The following HDAC9 variants were observed in gnomAD, a reference collection of about 807,000 sequenced individuals.
HDAC9 encodes the protein MEF-2 interacting transcription repressor (MITR) protein.
HDAC9 carries 41 observed loss-of-function variants against 139.4 expected under a neutral mutation model. The observed-to-expected ratio is 0.29, with a 90% CI of 0.23 to 0.38. The LOEUF (loss-of-function observed/expected upper bound fraction) is 0.38, where lower values mean the gene tolerates loss of function less well. Among genes scored for constraint, HDAC9 ranks in the 10% least tolerant of loss-of-function variants. The pLI is 1.00. For synonymous variants in HDAC9, 517 were observed against 476.2 expected (o/e 1.09, Z -1.12); for missense variants, 1,147 against 1,297.0 (o/e 0.88, Z 1.78).
At chr7:18,945,407 A>T (rs1037440630) in intron 23 of HDAC9, among the ~76,000 whole-genome samples, 1 of 152,180 alleles carries the variant, frequency 6.6e-6, no homozygotes, top group African/African-American at 2.4e-5. Flanking sequence ...TATAGGTTCT[A>T]GTGTTAGTTT....
intron 22 of HDAC9, among the ~76,000 whole-genome samples, chr7:18,880,090 A>T (rs756546153): frequency 7.2e-5 from 11 of 152,210 alleles, no homozygotes; most frequent in Non-Finnish European, 1.3e-4. Context: ...GAGAAATGCG[A>T]TCAAAGCCAC....
intron 1 of HDAC9, among the ~76,000 whole-genome samples, chr7:18,320,769 C>G (rs930498089): frequency 2.6e-5 from 4 of 152,144 alleles, no homozygotes; most frequent in African/African-American, 9.7e-5. Flanking sequence ...ACCCCCCACC[C>G]CAGTTGTCAC....
At chr7:18,518,662 C>T (rs1345545199) in intron 2 of HDAC9, among the ~76,000 whole-genome samples, 1 of 152,106 alleles carries the variant, frequency 6.6e-6, no homozygotes, top group Non-Finnish European at 1.5e-5. Context: ...AAAGCTTGTC[C>T]CACCTCCATT....
chr7:18,479,863 G>A (rs981916384), intron 1 of HDAC9, among the ~76,000 whole-genome samples: 2 of 151,800 alleles, frequency 1.3e-5, no homozygotes, highest in African/African-American at 4.8e-5. Flanking sequence ...ATATTGAAGT[G>A]TGAGAGTAGG....
At chr7:18,632,196 G>A (rs1233197463) in intron 7 of HDAC9, among the ~76,000 whole-genome samples, 1 of 151,642 alleles carries the variant, frequency 6.6e-6, no homozygotes, top group Non-Finnish European at 1.5e-5. Flanking sequence ...TAAAACCAGA[G>A]GTGATGATTA....
At chr7:18,207,705 GATTT>G (rs1032063014) in intron 2 of HDAC9, among the ~76,000 whole-genome samples, 4 of 151,588 alleles carry the variant, frequency 2.6e-5, no homozygotes, top group Admixed American at 2.6e-4. Context: ...TTTATTATTA[GATTT>G]ATTTATTTAT....
chr7:18,203,240 A>G (rs909471028), intron 2 of HDAC9, among the ~76,000 whole-genome samples: 8 of 152,194 alleles, frequency 5.3e-5, no homozygotes, highest in African/African-American at 1.9e-4. Flanking sequence ...TAATATTAAT[A>G]AATAACCTGA....
At chr7:18,864,886 A>G (rs1798376396) in intron 21 of HDAC9, among the ~76,000 whole-genome samples, 1 of 152,162 alleles carries the variant, frequency 6.6e-6, no homozygotes, top group Non-Finnish European at 1.5e-5. Flanking sequence ...TAAATGGTTA[A>G]ATACTTAAAA....
chr7:18,419,728 T>A (rs1789442485), intron 1 of HDAC9, among the ~76,000 whole-genome samples: 1 of 149,686 alleles, frequency 6.7e-6, no homozygotes, highest in South Asian at 2.1e-4. Flanking sequence ...GTGTGACCCA[T>A]TTTTTTTTTA....
intron 12 of HDAC9, among the ~76,000 whole-genome samples, chr7:18,710,417 C>T (rs1784257918): frequency 6.6e-6 from 1 of 152,154 alleles, no homozygotes; most frequent in South Asian, 2.1e-4. Context: ...AATTTTACTT[C>T]AGAATGATTA....
At chr7:18,928,729 C>G (rs910256467) in intron 22 of HDAC9, among the ~76,000 whole-genome samples, 2 of 151,882 alleles carry the variant, frequency 1.3e-5, no homozygotes, top group South Asian at 2.1e-4. Context: ...GAAAATACAA[C>G]AAGAAGCATG....
intron 23 of HDAC9, among the ~76,000 whole-genome samples, chr7:18,950,075 A>G (rs1039718064): frequency 6.6e-6 from 1 of 152,078 alleles, no homozygotes; most frequent in Admixed American, 6.6e-5. Flanking sequence ...TTAGAGGTCT[A>G]GGTATTGAGA....
intron 3 of HDAC9, among the ~76,000 whole-genome samples, chr7:18,589,635 T>A (rs1452197553): frequency 1.3e-5 from 2 of 152,218 alleles, no homozygotes; most frequent in Non-Finnish European, 2.9e-5. Flanking sequence ...TAAACAATAG[T>A]GCATTAAAAT....
rs1786425631 is a variant in HDAC9 at position 18,732,944 on chromosome 7, C to CACATGTGTGTATGTGTATAT, written c.1909+5190_1909+5191insTGTGTGTATGTGTATATACA. The stretch of plus-strand genomic sequence containing the variant: ...ACACACGTGTGTATGTATGTGTATA[C>CACATGTGTGTATGTGTATAT]ACACGTGTATGTGTGTGTATGTGTA... On this transcript the variant is annotated intron_variant, in intron 13 of 25. Transcript: ENST00000686413. 4.0e-5 allele frequency among the ~76,000 whole-genome samples: 3 copies of CACATGTGTGTATGTGTATAT among 74,312 alleles called. 1 individual carries two copies. Among genetic ancestry groups the CACATGTGTGTATGTGTATAT allele is most frequent in the African/African-American group, 2.2e-4 (3 of 13,346 alleles). 48.8% of individuals were successfully genotyped at this position (74,312 alleles called of 152,430 possible).
At chr7:18,954,943 G>C (rs907461290) in intron 24 of HDAC9, among the ~76,000 whole-genome samples, 1 of 151,976 alleles carries the variant, frequency 6.6e-6, no homozygotes, top group East Asian at 1.9e-4. Flanking sequence ...TTGTTCAGTA[G>C]CAATTTGGAG....
chr7:18,537,041 A>C (rs1330182194), intron 2 of HDAC9, among the ~76,000 whole-genome samples: 1 of 152,196 alleles, frequency 6.6e-6, no homozygotes, highest in African/African-American at 2.4e-5. Context: ...TCTTGGGATC[A>C]TCTGAACTAT....
At chr7:18,459,682 G>C (rs1793662679) in intron 1 of HDAC9, among the ~76,000 whole-genome samples, 1 of 152,036 alleles carries the variant, frequency 6.6e-6, no homozygotes, top group Non-Finnish European at 1.5e-5. Context: ...GTAGATTTGG[G>C]GGATTATGCT....
chr7:18,808,434 T>A (rs1252417531), intron 17 of HDAC9, among the ~76,000 whole-genome samples: 1 of 152,092 alleles, frequency 6.6e-6, no homozygotes, highest in Non-Finnish European at 1.5e-5. Flanking sequence ...CCCTAAAGAC[T>A]CACCAAAATA....
At chr7:18,613,879 T>G (rs1447892601) in intron 6 of HDAC9, among the ~76,000 whole-genome samples, 1 of 152,112 alleles carries the variant, frequency 6.6e-6, no homozygotes, top group Non-Finnish European at 1.5e-5. Flanking sequence ...TCCTTAAAAT[T>G]TTAACCTCAT....
Sources: gnomAD v4.1 joint callset for allele counts (sites outside exome capture counted in the v4.1 genomes callset) on GRCh38, gnomAD v4.1.1 for gene constraint, MANE v1.5 for transcripts, NCBI Gene and HGNC (gene_info 2026-07-23, HGNC 2026-07-21) for gene names.